Variants in KATNIP observed in about 807,000 individuals in gnomAD.
The protein encoded by KATNIP is katanin-interacting protein.
KATNIP carries 126 observed loss-of-function variants against 174.0 expected under a neutral mutation model. The observed-to-expected ratio is 0.72, with a 90% CI of 0.63 to 0.84. The LOEUF (loss-of-function observed/expected upper bound fraction) is 0.84. KATNIP is among the 40% of genes least tolerant of loss of function. The probability of loss-of-function intolerance (pLI) is 0.00; values close to 1 mark genes in which losing one functional copy is unlikely to be tolerated. For missense variants in KATNIP, 1,958 were observed against 2,109.7 expected (o/e 0.93, Z 1.41); for synonymous variants, 810 against 835.7 (o/e 0.97, Z 0.53).
chr16:27,759,130 A>T (rs1365616080), intron 18 of KATNIP, among the ~76,000 whole-genome samples: 1 of 152,246 alleles, frequency 6.6e-6, no homozygotes, highest in Non-Finnish European at 1.5e-5. Flanking sequence ...TTCATTGAAC[A>T]TCTACTAAGC....
intron 1 of KATNIP, among the ~76,000 whole-genome samples, chr16:27,561,855 A>C (rs1052246804): frequency 1.3e-5 from 2 of 152,178 alleles, no homozygotes; most frequent in Non-Finnish European, 2.9e-5. Flanking sequence ...TAGAACCGTG[A>C]AGTTCCCTTG....
At chr16:27,726,953 C>T (rs137876626) in intron 14 of KATNIP, among the ~76,000 whole-genome samples, 160 of 152,348 alleles carry the variant, frequency 1.1e-3, no homozygotes, top group African/African-American at 3.6e-3. Flanking sequence ...GATTCGGAGA[C>T]AGGCAGAATA....
chr16:27,582,158 G>A (rs544625698), intron 2 of KATNIP, among the ~76,000 whole-genome samples: 128 of 152,208 alleles, frequency 8.4e-4, no homozygotes, highest in East Asian at 1.4e-3. Flanking sequence ...CTCCACTAGC[G>A]CGCAAACTGC....
intron 2 of KATNIP, among the ~76,000 whole-genome samples, chr16:27,606,478 T>TAC (rs149635649): frequency 0.018 from 2,673 of 145,630 alleles, 64 homozygotes; most frequent in African/African-American, 0.052. Context: ...ATCTCTCTCA[T>TAC]ACACACACAC....
intron 17 of KATNIP, among the ~76,000 whole-genome samples, chr16:27,752,266 A>G (rs2143835722): frequency 6.6e-6 from 1 of 152,064 alleles, no homozygotes; most frequent in Non-Finnish European, 1.5e-5. Context: ...GTTGTTTTTG[A>G]TGGAAGGACT....
At chr16:27,773,267 CG>C in intron 23 of KATNIP, 58 bp downstream of exon 23, 7 of 1,218,722 alleles carry the variant, frequency 5.7e-6, no homozygotes, top group Non-Finnish European at 8.3e-6. Flanking sequence ...ATGGGAGGGT[CG>C]GGAACGGGGC....
rs772774384 is a variant in KATNIP, at chr16:27,628,839, AG to A, written c.310+11del. 6.2e-7 allele frequency: 1 copy of A among 1,613,564 alleles called. No individual in the cohort carries two copies. Among genetic ancestry groups the A allele is most frequent in the South Asian group, 1.1e-5 (1 of 91,068 alleles). On this transcript the variant is annotated intron_variant, in intron 4 of 27. Coordinates refer to ENST00000261588, the MANE Select transcript of KATNIP (RefSeq NM_015202.5). Reference sequence around the variant, plus strand: ...CACGGAGGGGACACACGGTGAGCACAGGCCCTCCAGGCTGAGTCTCAGCTCT... The same window carrying A: ...CACGGAGGGGACACACGGTGAGCACAGCCCTCCAGGCTGAGTCTCAGCTCT...
chr16:27,586,835 A>C (rs1198468652), intron 2 of KATNIP, among the ~76,000 whole-genome samples: 1 of 151,534 alleles, frequency 6.6e-6, no homozygotes, highest in African/African-American at 2.4e-5. Context: ...TCTCAAAAAA[A>C]AAAAAACAAA....
intron 2 of KATNIP, among the ~76,000 whole-genome samples, chr16:27,590,124 A>G (rs1406443377): frequency 6.6e-6 from 1 of 151,654 alleles, no homozygotes; most frequent in Non-Finnish European, 1.5e-5. Context: ...GATAGATGCA[A>G]TGTCCTTCCT....
chr16:27,639,447 C>T (rs919040659), intron 5 of KATNIP, among the ~76,000 whole-genome samples: 31 of 152,184 alleles, frequency 2.0e-4, no homozygotes, highest in Non-Finnish European at 3.8e-4. Context: ...GGGTGGACAG[C>T]GGCCTAATCA....
chr16:27,608,110 C>T (rs571454605), intron 2 of KATNIP, among the ~76,000 whole-genome samples: 22 of 152,108 alleles, frequency 1.4e-4, no homozygotes, highest in African/African-American at 2.9e-4. Flanking sequence ...CAGAGGAATA[C>T]GTGATCCTTG....
At chr16:27,574,949 C>A (rs552470699) in intron 2 of KATNIP, among the ~76,000 whole-genome samples, 1 of 151,882 alleles carries the variant, frequency 6.6e-6, no homozygotes, top group South Asian at 2.1e-4. Flanking sequence ...AATATTGTGG[C>A]CATTCTTGAA....
intron 2 of KATNIP, among the ~76,000 whole-genome samples, chr16:27,583,638 G>A (rs907504383): frequency 3.9e-5 from 6 of 152,166 alleles, no homozygotes; most frequent in African/African-American, 1.4e-4. Flanking sequence ...CTCTGAGCCC[G>A]TATTTCCTCT....
At chr16:27,748,600 A>G (rs2081376714) in intron 15 of KATNIP, among the ~76,000 whole-genome samples, 1 of 150,140 alleles carries the variant, frequency 6.7e-6, no homozygotes. Flanking sequence ...CAATAAATAA[A>G]CAAATAGCAT....
chr16:27,570,001 G>T (rs1402619889), intron 1 of KATNIP, among the ~76,000 whole-genome samples: 1 of 151,940 alleles, frequency 6.6e-6, no homozygotes, highest in African/African-American at 2.4e-5. Flanking sequence ...TCTTGCCTTG[G>T]CCTCCCAAAG....
chr16:27,645,504 C>T (rs2076932639), intron 5 of KATNIP, among the ~76,000 whole-genome samples: 1 of 152,168 alleles, frequency 6.6e-6, no homozygotes, highest in African/African-American at 2.4e-5. Context: ...AGTGGGTTAG[C>T]AAGTGGGATG....
chr16:27,689,095 C>T (rs1187657081), intron 8 of KATNIP, among the ~76,000 whole-genome samples: 1 of 152,212 alleles, frequency 6.6e-6, no homozygotes, highest in Non-Finnish European at 1.5e-5. Flanking sequence ...AGACAAAAGC[C>T]ACTGCTATCC....
At chr16:27,611,508 C>T (rs928965909) in intron 2 of KATNIP, among the ~76,000 whole-genome samples, 1 of 152,196 alleles carries the variant, frequency 6.6e-6, no homozygotes, top group Non-Finnish European at 1.5e-5. Context: ...AGCTGGACAG[C>T]GGTGAAGCCA....
chr16:27,759,031 A>G (rs924616662), intron 18 of KATNIP, among the ~76,000 whole-genome samples: 1 of 152,228 alleles, frequency 6.6e-6, no homozygotes, highest in Non-Finnish European at 1.5e-5. Flanking sequence ...GTAAAACCCA[A>G]TAGTTTTCGT....
Sources: allele counts gnomAD v4.1 joint callset (sites outside exome capture counted in the v4.1 genomes callset), GRCh38; gene constraint gnomAD v4.1.1; transcripts MANE v1.5; gene names NCBI Gene and HGNC (gene_info 2026-07-23, HGNC 2026-07-21).